PPP1R3B: variants seen among roughly 807,000 people sequenced by gnomAD.
The protein encoded by PPP1R3B is PP1 subunit R4.
PPP1R3B carries 8 observed loss-of-function variants against 14.6 expected under a neutral mutation model. That is an observed-to-expected ratio of 0.55 (90% CI 0.32 to 0.99). PPP1R3B has a LOEUF of 0.99. Among genes scored for constraint, PPP1R3B ranks in the 50% least tolerant of loss-of-function variants. The pLI is 0.04. For synonymous variants in PPP1R3B, 169 were observed against 142.0 expected (o/e 1.19, Z -1.35); for missense variants, 452 against 360.1 (o/e 1.26, Z -2.07).
At chr8:9,148,412 T>TG (rs1317843363) in intron 1 of PPP1R3B, among the ~76,000 whole-genome samples, 1 of 152,154 alleles carries the variant, frequency 6.6e-6, no homozygotes, top group African/African-American at 2.4e-5. Flanking sequence ...CCAGAAGTTA[T>TG]GGACATACAT....
intron 1 of PPP1R3B, among the ~76,000 whole-genome samples, chr8:9,149,172 G>A (rs1398744933): frequency 6.7e-5 from 8 of 119,494 alleles, no homozygotes; most frequent in Non-Finnish European, 1.2e-4. Context: ...CAGCCTGGGC[G>A]ACAGAGCGAA....
rs745579722 is a variant in PPP1R3B at position 9,140,797 on chromosome 8, G to C, written c.855C>G (p.Tyr285Ter). Residue 285 changes from tyrosine (Y) to a stop codon, truncating the protein, a stop_gained, in exon 2 of 2, where the codon TAC becomes TAG. Coordinates refer to ENST00000310455, the MANE Select transcript of PPP1R3B (RefSeq NM_024607.4). LOFTEE classifies it high-confidence loss of function. ...CACGCCCTGTCACCTGCAGTCACTA[G>C]TAGTAGGGCCCTAGCTTTTCATATC... ...YLGYEKLGPY[Y>*] The C allele has an allele frequency of 1.9e-6, 3 of 1,613,748 alleles. No individual in the cohort carries two copies. In the Admixed American group the frequency reaches 5.0e-5, roughly 27 times the overall value.
At chr8:9,147,212 A>C (rs1387344358) in intron 1 of PPP1R3B, among the ~76,000 whole-genome samples, 1 of 152,124 alleles carries the variant, frequency 6.6e-6, no homozygotes, top group Non-Finnish European at 1.5e-5. Context: ...TCACCATGTC[A>C]GGCTGGTCTC....
chr8:9,140,643 A>T lies in PPP1R3B; in HGVS notation c.*151T>A. ...CTGAACCTGGCTGGATTTGCTGTTT[A>T]AGAAAGAAGTGAAGAGGATCCTTTT... On this transcript the variant is annotated 3_prime_UTR_variant, in exon 2 of 2. Coordinates refer to ENST00000310455, the MANE Select transcript of PPP1R3B (RefSeq NM_024607.4). The T allele has an allele frequency of 1.3e-6, 1 of 775,198 alleles. No homozygotes were observed. Among genetic ancestry groups the T allele is most frequent in the African/African-American group, 1.7e-5 (1 of 57,440 alleles). The allele number at this position is 775,198 out of a possible 1,614,324, so 48.0% of individuals were successfully genotyped here.
intron 1 of PPP1R3B, among the ~76,000 whole-genome samples, chr8:9,149,089 A>G (rs1225479405): frequency 6.7e-6 from 1 of 149,134 alleles, no homozygotes; most frequent in African/African-American, 2.5e-5. Flanking sequence ...GCTACTCAGG[A>G]GGCCGAGGCA....
rs1430267820 is a variant in PPP1R3B, at chr8:9,136,887, G to T, written c.*3907C>A. 1 of 152,194 alleles carries T rather than the reference G, an allele frequency of 6.6e-6. No individual in the cohort carries two copies. Among genetic ancestry groups the T allele is most frequent in the Non-Finnish European group, 1.5e-5 (1 of 68,028 alleles). 9.4% of individuals were successfully genotyped at this position (152,194 alleles called of 1,614,324 possible). The stretch of plus-strand genomic sequence containing the variant: ...AGAGGGAAGATCCAGAAAATGGGCA[G>T]TTCCAAAAAAGGAACACTTTTTTGA... On this transcript the variant is annotated 3_prime_UTR_variant, in exon 2 of 2. Coordinates refer to ENST00000310455, the MANE Select transcript of PPP1R3B (RefSeq NM_024607.4).
Position 9,140,571 on chromosome 8 carries a change from C to G in PPP1R3B, c.*223G>C, listed in dbSNP as rs536266115. ...TCTCGTGGCTGCCACAGTGCGAAAG[C>G]GCGCCAGCCACCACTGCTCCTTTGA... On this transcript the variant is annotated 3_prime_UTR_variant, in exon 2 of 2. Coordinates refer to ENST00000310455, the MANE Select transcript of PPP1R3B (RefSeq NM_024607.4). 3.4e-6 allele frequency: 2 copies of G among 586,030 alleles called. No homozygotes were observed. The highest frequency in any genetic ancestry group is 4.1e-5 in the South Asian group (2 of 48,262). The allele number at this position is 586,030 out of a possible 1,614,324, so 36.3% of individuals were successfully genotyped here.
chr8:9,147,789 A>C (rs1379852449), intron 1 of PPP1R3B, among the ~76,000 whole-genome samples: 1 of 151,856 alleles, frequency 6.6e-6, no homozygotes, highest in Admixed American at 6.6e-5. Context: ...AGAGCTAATT[A>C]AACAATGCTG....
At chr8:9,150,306 T>A (rs963573180) in intron 1 of PPP1R3B, among the ~76,000 whole-genome samples, 4 of 152,176 alleles carry the variant, frequency 2.6e-5, no homozygotes, top group Non-Finnish European at 5.9e-5. Flanking sequence ...TTCTCCTCTT[T>A]TTCAGAAAAC....
In PPP1R3B at chr8:9,140,585, C is replaced by T. The variant is rs1017183909; in HGVS notation, c.*209G>A. 1.6e-6 allele frequency: 1 copy of T among 610,438 alleles called. No individual in the cohort carries two copies. Among genetic ancestry groups the T allele is most frequent in the Non-Finnish European group, 2.8e-6 (1 of 354,904 alleles). The allele number at this position is 610,438 out of a possible 1,614,324, so 37.8% of individuals were successfully genotyped here. A position where few individuals can be genotyped will look rare whatever the true frequency, so the allele number is the denominator to read the frequency against. ...CAGTGCGAAAGCGCGCCAGCCACCA[C>T]TGCTCCTTTGAGTGAGACACTGGTT... On this transcript the variant is annotated 3_prime_UTR_variant, in exon 2 of 2. Transcript: ENST00000310455.
rs1801042939 is a variant in PPP1R3B at position 9,140,639 on chromosome 8, G to A, written c.*155C>T. The A allele has an allele frequency of 2.6e-6, 2 of 765,792 alleles. No homozygotes were observed. The highest frequency in any genetic ancestry group is 2.7e-5 in the East Asian group (1 of 37,054). 47.4% of individuals were successfully genotyped at this position (765,792 alleles called of 1,614,324 possible). A position where few individuals can be genotyped will look rare whatever the true frequency, so the allele number is the denominator to read the frequency against. On this transcript the variant is annotated 3_prime_UTR_variant, in exon 2 of 2. Transcript: ENST00000310455. Reference sequence around the variant, plus strand: ...TAATCTGAACCTGGCTGGATTTGCTGTTTAAGAAAGAAGTGAAGAGGATCC... The same window carrying A: ...TAATCTGAACCTGGCTGGATTTGCTATTTAAGAAAGAAGTGAAGAGGATCC...
upstream of PPP1R3B, among the ~76,000 whole-genome samples, chr8:9,151,094 G>A (rs1801416552): frequency 6.6e-6 from 1 of 152,168 alleles, no homozygotes; most frequent in Non-Finnish European, 1.5e-5. Context: ...CACGGTCGCA[G>A]CCGGGCCCAG....
At chr8:9,146,891 AT>A (rs1801256915) in intron 1 of PPP1R3B, among the ~76,000 whole-genome samples, 1 of 152,092 alleles carries the variant, frequency 6.6e-6, no homozygotes. Flanking sequence ...AAATATCTAA[AT>A]TTTAGTTACT....
At chr8:9,150,009 T>C (rs1420831911) in intron 1 of PPP1R3B, among the ~76,000 whole-genome samples, 1 of 152,244 alleles carries the variant, frequency 6.6e-6, no homozygotes, top group Non-Finnish European at 1.5e-5. Flanking sequence ...TGACATTGTA[T>C]GTTGCGACCC....
Position 9,141,389 on chromosome 8 carries a change from A to AT in PPP1R3B, c.262dup (p.Met88AsnfsTer38). On this transcript the variant is annotated frameshift_variant, in exon 2 of 2. Coordinates refer to ENST00000310455, the MANE Select transcript of PPP1R3B (RefSeq NM_024607.4). LOFTEE classifies it high-confidence loss of function. ...TAGGAGCTCGGTGATGTTGAATGGC[A>AT]TATCTAGCGGGTCATCGAATTCCGA... The AT allele has an allele frequency of 6.2e-7, 1 of 1,614,178 alleles. No individual in the cohort carries two copies. Among genetic ancestry groups the AT allele is most frequent in the African/African-American group, 1.3e-5 (1 of 75,042 alleles).
intron 1 of PPP1R3B, chr8:9,142,268 A>T (rs961538686): frequency 6.6e-6 from 1 of 152,536 alleles, no homozygotes; most frequent in Non-Finnish European, 1.5e-5. Flanking sequence ...GGCTAATTTT[A>T]AAAAATTTTT....
chr8:9,141,680 G>C lies in PPP1R3B; in HGVS notation c.-17-12C>G. On this transcript the variant is annotated splice_polypyrimidine_tract_variant and intron_variant, in intron 1 of 1. Coordinates refer to ENST00000310455, the MANE Select transcript of PPP1R3B (RefSeq NM_024607.4). ...GCTAGATGAACAGGCTAGAACCGTG[G>C]AAAGGGAAGAGAAGAAAGAAAACAG... 2.5e-6 allele frequency: 4 copies of C among 1,596,094 alleles called. No homozygotes were observed. The highest frequency in any genetic ancestry group is 3.4e-6 in the Non-Finnish European group (4 of 1,167,800).
intron 1 of PPP1R3B, among the ~76,000 whole-genome samples, chr8:9,144,290 C>T (rs543582598): frequency 1.3e-5 from 2 of 151,144 alleles, no homozygotes; most frequent in African/African-American, 2.4e-5. Context: ...TGGGCTCAAG[C>T]GGTCCTCCCA....
In PPP1R3B at chr8:9,141,442, C is replaced by T. The variant is rs1334910317; in HGVS notation, c.210G>A (p.Gly70=). The T allele has an allele frequency of 2.5e-6, 4 of 1,614,156 alleles. No individual in the cohort carries two copies. In the East Asian group the frequency reaches 6.7e-5, roughly 27 times the overall value. Residue 70 remains glycine (G), a synonymous_variant, in exon 2 of 2, where the codon GGG becomes GGA. Transcript: ENST00000310455. The stretch of plus-strand genomic sequence containing the variant: ...ACACTTTGACCATTGTCAGGGCCAG[C>T]CCCTGGTTGTCTGCGAAGGACACCC... ...KKRVSFADNQ[G]LALTMVKVFS... is the part of the protein sequence containing the mutation.
Sources: allele counts gnomAD v4.1 joint callset (sites outside exome capture counted in the v4.1 genomes callset), GRCh38; gene constraint gnomAD v4.1.1; transcripts MANE v1.5; gene names NCBI Gene and HGNC (gene_info 2026-07-23, HGNC 2026-07-21).